The following ARL15 variants were observed in gnomAD, a reference collection of about 807,000 sequenced individuals.
ARL15 encodes ARF like GTPase 15.
In ARL15, 19 loss-of-function variants were observed where a neutral mutation model predicts 25.2. The observed-to-expected ratio is 0.75, with a 90% CI of 0.53 to 1.10. The LOEUF (loss-of-function observed/expected upper bound fraction) is 1.10. ARL15 is among the 50% of genes least tolerant of loss of function. The pLI is 0.00. For synonymous variants in ARL15, 94 were observed against 86.8 expected (o/e 1.08, Z -0.46); for missense variants, 220 against 246.0 (o/e 0.89, Z 0.71).
intron 4 of ARL15, among the ~76,000 whole-genome samples, chr5:54,078,169 C>A (rs1346060619): frequency 6.6e-6 from 1 of 152,124 alleles, no homozygotes. Flanking sequence ...ATTCCTAACA[C>A]CCAAATTGAT....
chr5:53,884,046 A>G lies in ARL15; in HGVS notation c.*2515T>C, dbSNP rs1744435726. The stretch of plus-strand genomic sequence containing the variant: ...TGGTAAATGTCCACATGAATCTGTT[A>G]GCCTCTAAGTACAGGTACAGTATTT... On this transcript the variant is annotated 3_prime_UTR_variant, in exon 5 of 5. Transcript: ENST00000504924. 6.6e-6 allele frequency: 1 copy of G among 152,174 alleles called. No homozygotes were observed. The highest frequency in any genetic ancestry group is 1.5e-5 in the Non-Finnish European group (1 of 68,020). 9.4% of individuals were successfully genotyped at this position (152,174 alleles called of 1,614,324 possible).
At chr5:54,109,814 T>C (rs1259567911) in intron 4 of ARL15, among the ~76,000 whole-genome samples, 1 of 151,974 alleles carries the variant, frequency 6.6e-6, no homozygotes, top group African/African-American at 2.4e-5. Context: ...AAATAGTTGA[T>C]ATGAGTAAAT....
chr5:54,031,179 G>A (rs189177791), intron 4 of ARL15, among the ~76,000 whole-genome samples: 236 of 152,200 alleles, frequency 1.6e-3, no homozygotes, highest in Non-Finnish European at 2.9e-3. Context: ...AGTTTGTGCC[G>A]ACATAGCATT....
At chr5:53,980,745 AT>A (rs1748092710) in intron 4 of ARL15, among the ~76,000 whole-genome samples, 1 of 152,200 alleles carries the variant, frequency 6.6e-6, no homozygotes, top group Admixed American at 6.5e-5. Flanking sequence ...TCAGATGAAG[AT>A]AGTTCATCTC....
intron 3 of ARL15, among the ~76,000 whole-genome samples, chr5:54,139,530 T>G (rs1346226746): frequency 6.6e-6 from 1 of 151,694 alleles, no homozygotes; most frequent in Non-Finnish European, 1.5e-5. Flanking sequence ...GCCTGGGAGG[T>G]GGGTAAGGGA....
chr5:54,269,403 G>A (rs898090058), intron 1 of ARL15, among the ~76,000 whole-genome samples: 3 of 151,872 alleles, frequency 2.0e-5, no homozygotes, highest in African/African-American at 7.3e-5. Flanking sequence ...AATAAACTGT[G>A]TACATAATTG....
At chr5:54,154,662 T>TA in intron 2 of ARL15, 23 bp from the exon 3 acceptor site, 6 of 1,436,770 alleles carry the variant, frequency 4.2e-6, no homozygotes, top group Admixed American at 2.8e-5. Context: ...AACAAAAACA[T>TA]AAAAAAAGAA....
intron 4 of ARL15, among the ~76,000 whole-genome samples, chr5:54,033,514 A>G (rs1750064198): frequency 6.6e-6 from 1 of 151,026 alleles, no homozygotes; most frequent in East Asian, 2.0e-4. Flanking sequence ...CTAAAAAAAA[A>G]TACAAAAGTT....
chr5:54,289,718 C>A (rs1758278162), intron 1 of ARL15, among the ~76,000 whole-genome samples: 1 of 152,098 alleles, frequency 6.6e-6, no homozygotes, highest in Non-Finnish European at 1.5e-5. Context: ...CTCTGTGCAT[C>A]TTAATTTGTC....
chr5:54,224,590 G>T (rs1419515845), intron 1 of ARL15, among the ~76,000 whole-genome samples: 1 of 152,132 alleles, frequency 6.6e-6, no homozygotes, highest in Non-Finnish European at 1.5e-5. Context: ...TCAGATACTG[G>T]ATTGTGAAAC....
At chr5:53,970,306 C>T (rs1317569548) in intron 4 of ARL15, among the ~76,000 whole-genome samples, 1 of 152,098 alleles carries the variant, frequency 6.6e-6, no homozygotes, top group Non-Finnish European at 1.5e-5. Context: ...TCCGGTTGTG[C>T]CAACTCCAGG....
At chr5:54,138,765 T>C (rs1579838893) in intron 3 of ARL15, among the ~76,000 whole-genome samples, 1 of 152,110 alleles carries the variant, frequency 6.6e-6, no homozygotes, top group East Asian at 1.9e-4. Flanking sequence ...ATCTGCAAAC[T>C]ATGCATCCAA....
chr5:53,963,468 T>C (rs919840086), intron 4 of ARL15, among the ~76,000 whole-genome samples: 1 of 152,164 alleles, frequency 6.6e-6, no homozygotes, highest in African/African-American at 2.4e-5. Flanking sequence ...TCATAAAAAA[T>C]AAATTCATAC....
chr5:53,954,104 A>G (rs1747064648), intron 4 of ARL15, among the ~76,000 whole-genome samples: 1 of 152,014 alleles, frequency 6.6e-6, no homozygotes, highest in African/African-American at 2.4e-5. Context: ...TTAAAAAAAA[A>G]AAAAAAAAAA....
chr5:54,298,024 G>A (rs1283022060), intron 1 of ARL15, among the ~76,000 whole-genome samples: 16 of 152,090 alleles, frequency 1.1e-4, no homozygotes, highest in East Asian at 1.9e-4. Context: ...CTCGTGATCC[G>A]CCCGCCTCGG....
At chr5:53,965,934 T>G (rs577631321) in intron 4 of ARL15, among the ~76,000 whole-genome samples, 1 of 152,324 alleles carries the variant, frequency 6.6e-6, no homozygotes, top group South Asian at 2.1e-4. Context: ...TGCAGTGTAT[T>G]AAAAGGTATT....
intron 1 of ARL15, among the ~76,000 whole-genome samples, chr5:54,296,828 A>C (rs948959155): frequency 1.3e-5 from 2 of 152,196 alleles, no homozygotes; most frequent in Non-Finnish European, 2.9e-5. Flanking sequence ...CTGTTTTGGT[A>C]GTGAAAGGTT....
At chr5:54,232,921 G>C (rs1756712047) in intron 1 of ARL15, among the ~76,000 whole-genome samples, 1 of 152,232 alleles carries the variant, frequency 6.6e-6, no homozygotes, top group Admixed American at 6.5e-5. Context: ...GGACTCCTGA[G>C]GGTCCCCAAG....
intron 1 of ARL15, among the ~76,000 whole-genome samples, chr5:54,268,007 G>A (rs1048708496): frequency 6.6e-6 from 1 of 151,830 alleles, no homozygotes; most frequent in African/African-American, 2.4e-5. Flanking sequence ...GAATCTGAAT[G>A]TTGGCCTGCC....
Sources: gnomAD v4.1 joint callset for allele counts (sites outside exome capture counted in the v4.1 genomes callset) on GRCh38, gnomAD v4.1.1 for gene constraint, MANE v1.5 for transcripts, NCBI Gene and HGNC (gene_info 2026-07-23, HGNC 2026-07-21) for gene names.